Variants in MCTP1 observed in about 807,000 individuals in gnomAD.
MCTP1 encodes multiple C2 and transmembrane domain-containing protein 1.
In MCTP1, 69 loss-of-function variants were observed where a neutral mutation model predicts 120.6. That is an observed-to-expected ratio of 0.57 (90% CI 0.47 to 0.70). The LOEUF is 0.70. MCTP1 is among the 30% of genes least tolerant of loss of function. MCTP1 has a pLI of 0.00. For missense variants in MCTP1, 1,203 were observed against 1,248.8 expected, an observed-to-expected ratio of 0.96 and a Z score of 0.55; for synonymous variants, 529 against 493.1, an observed-to-expected ratio of 1.07 and a Z score of -0.96.
intron 1 of MCTP1, among the ~76,000 whole-genome samples, chr5:95,057,743 A>G (rs1358740231): frequency 6.6e-6 from 1 of 152,164 alleles, no homozygotes; most frequent in Non-Finnish European, 1.5e-5. Flanking sequence ...TTCCGAGAGC[A>G]GTCAATGCAG....
intron 1 of MCTP1, among the ~76,000 whole-genome samples, chr5:95,246,865 G>A (rs1458033803): frequency 2.0e-5 from 3 of 152,226 alleles, no homozygotes; most frequent in African/African-American, 7.2e-5. Context: ...TTTTTGTTGT[G>A]TCTCTACCAG....
At chr5:95,066,145 A>G (rs1322760916) in intron 1 of MCTP1, among the ~76,000 whole-genome samples, 1 of 152,220 alleles carries the variant, frequency 6.6e-6, no homozygotes, top group African/African-American at 2.4e-5. Flanking sequence ...AAGGAACTCA[A>G]ACAGCTTAGT....
At chr5:94,764,492 A>C (rs1772092987) in intron 19 of MCTP1, among the ~76,000 whole-genome samples, 1 of 152,172 alleles carries the variant, frequency 6.6e-6, no homozygotes, top group East Asian at 1.9e-4. Context: ...AAAGAAACTC[A>C]TTTCACCTAT....
At chr5:95,103,638 G>T (rs897073253) in intron 1 of MCTP1, among the ~76,000 whole-genome samples, 3 of 152,090 alleles carry the variant, frequency 2.0e-5, no homozygotes, top group Admixed American at 6.5e-5. Flanking sequence ...TTTTAAGTAG[G>T]GGTGAGATGA....
intron 1 of MCTP1, among the ~76,000 whole-genome samples, chr5:95,151,951 TG>T (rs550948055): frequency 1.1e-3 from 171 of 152,342 alleles, no homozygotes; most frequent in African/African-American, 3.9e-3. Flanking sequence ...AAATTGTAAA[TG>T]GCAACATTGT....
intron 19 of MCTP1, among the ~76,000 whole-genome samples, chr5:94,720,008 C>A (rs181866977): frequency 0.016 from 2,457 of 152,064 alleles, 70 homozygotes; most frequent in African/African-American, 0.055. Context: ...TGCCTGTAAT[C>A]CCAGCTACTC....
At chr5:95,222,601 T>C (rs995810702) in intron 1 of MCTP1, among the ~76,000 whole-genome samples, 1 of 152,262 alleles carries the variant, frequency 6.6e-6, no homozygotes, top group East Asian at 1.9e-4. Flanking sequence ...GGTTTTACAG[T>C]TTGTTTCCTG....
At chr5:94,916,791 C>T (rs1330947745) in intron 8 of MCTP1, among the ~76,000 whole-genome samples, 1 of 152,206 alleles carries the variant, frequency 6.6e-6, no homozygotes, top group Non-Finnish European at 1.5e-5. Context: ...TCTAGACTAA[C>T]AGCATCAGAA....
At chr5:95,151,762 T>C (rs1052802118) in intron 1 of MCTP1, among the ~76,000 whole-genome samples, 3 of 152,322 alleles carry the variant, frequency 2.0e-5, no homozygotes, top group Middle Eastern at 3.4e-3. Flanking sequence ...TTAAGCAAAA[T>C]CCTTCTTTCC....
At chr5:95,212,384 C>A (rs1356398051) in intron 1 of MCTP1, among the ~76,000 whole-genome samples, 1 of 151,866 alleles carries the variant, frequency 6.6e-6, no homozygotes, top group Admixed American at 6.6e-5. Flanking sequence ...GCTTACCAAC[C>A]AAAAAGAGTC....
intron 14 of MCTP1, 34 bp from the exon 15 acceptor site, chr5:94,871,007 G>C (rs372698002): frequency 6.4e-7 from 1 of 1,553,620 alleles, no homozygotes; most frequent in Non-Finnish European, 8.9e-7. Context: ...CGTCTGTCTC[G>C]CGGTCTCTAC....
chr5:95,021,679 A>C (rs112780315), intron 1 of MCTP1, among the ~76,000 whole-genome samples: 359 of 152,104 alleles, frequency 2.4e-3, no homozygotes, highest in African/African-American at 8.3e-3. Flanking sequence ...TCACTTTTCA[A>C]GTCATATTTT....
At position 94,894,738 on chromosome 5, in the gene MCTP1, G is replaced by C; in HGVS notation, c.1750C>G (p.Leu584Val). ...ATGCTGACTGTGGCTGATGCTGTCA[G>C]AGTGACCAGCAGCACCAGGTGTCCC... ...GEGHLVLLVT[L>V]TASATVSISD... is the part of the protein sequence containing the mutation. Residue 584 changes from leucine (L) to valine (V), a missense_variant, in exon 11 of 23, where the codon CTG (leucine) becomes GTG (valine). Coordinates refer to ENST00000515393, the MANE Select transcript of MCTP1 (RefSeq NM_024717.7). 6.2e-7 allele frequency: 1 copy of C among 1,613,822 alleles called. No individual in the cohort carries two copies. Among genetic ancestry groups the C allele is most frequent in the Non-Finnish European group, 8.5e-7 (1 of 1,179,754 alleles).
chr5:94,983,738 A>G (rs1384817034), intron 2 of MCTP1, among the ~76,000 whole-genome samples: 1 of 152,006 alleles, frequency 6.6e-6, no homozygotes, highest in East Asian at 1.9e-4. Context: ...TTTTTGCAAA[A>G]CCATACATGG....
intron 19 of MCTP1, among the ~76,000 whole-genome samples, chr5:94,728,724 AC>A (rs751411589): frequency 2.6e-5 from 4 of 152,066 alleles, no homozygotes; most frequent in East Asian, 3.9e-4. Context: ...TTCTTCCCAA[AC>A]GGTAATATTT....
chr5:94,807,725 G>A (rs139703914), intron 17 of MCTP1, among the ~76,000 whole-genome samples: 1 of 148,280 alleles, frequency 6.7e-6, no homozygotes, highest in Admixed American at 6.8e-5. Flanking sequence ...GAAATACTGG[G>A]CATTTGGCGG....
chr5:95,264,787 A>G (rs1404853231), intron 1 of MCTP1, among the ~76,000 whole-genome samples: 1 of 152,174 alleles, frequency 6.6e-6, no homozygotes, highest in Non-Finnish European at 1.5e-5. Flanking sequence ...AGCTGTGAGG[A>G]GGATGTGTGC....
At chr5:94,860,851 AT>A (rs929482601) in intron 17 of MCTP1, among the ~76,000 whole-genome samples, 15 of 142,674 alleles carry the variant, frequency 1.1e-4, no homozygotes, top group Non-Finnish European at 1.9e-4. Flanking sequence ...CTCAAGTGAA[AT>A]TTTTCTCCTT....
intron 1 of MCTP1, among the ~76,000 whole-genome samples, chr5:95,125,624 C>A (rs1359095413): frequency 6.6e-6 from 1 of 152,142 alleles, no homozygotes; most frequent in Non-Finnish European, 1.5e-5. Context: ...CTACCTGATT[C>A]TTTTTCATTT....
Sources: gnomAD v4.1 joint callset for allele counts (sites outside exome capture counted in the v4.1 genomes callset) on GRCh38, gnomAD v4.1.1 for gene constraint, MANE v1.5 for transcripts, NCBI Gene and HGNC (gene_info 2026-07-23, HGNC 2026-07-21) for gene names.